TMBIM6: variants seen among roughly 807,000 people sequenced by gnomAD.
The protein encoded by TMBIM6 is transmembrane BAX inhibitor motif containing 6.
A neutral mutation model predicts 31.4 loss-of-function variants in TMBIM6; 13 were observed. That is an observed-to-expected ratio of 0.41 (90% CI 0.27 to 0.66). The LOEUF (loss-of-function observed/expected upper bound fraction) is 0.66, where lower values mean the gene tolerates loss of function less well. Among genes scored for constraint, TMBIM6 ranks in the 30% least tolerant of loss-of-function variants. TMBIM6 has a pLI of 0.28. For missense variants in TMBIM6, 275 were observed against 289.5 expected (o/e 0.95, Z 0.36); for synonymous variants, 85 against 101.7 (o/e 0.84, Z 0.99).
Position 49,763,245 on chromosome 12 carries a change from A to C in TMBIM6, c.*349A>C. On this transcript the variant is annotated 3_prime_UTR_variant, in exon 10 of 10. Coordinates refer to ENST00000267115, the MANE Select transcript of TMBIM6 (RefSeq NM_003217.3). The stretch of plus-strand genomic sequence containing the variant: ...CCACCAGGCTTCATTCACCCAGTGG[A>C]CCTGAACTGTTTGGTAGAGCCACCC... 4.6e-6 allele frequency: 1 copy of C among 219,762 alleles called. No individual in the cohort carries two copies. Among genetic ancestry groups the C allele is most frequent in the Non-Finnish European group, 9.3e-6 (1 of 107,836 alleles). The allele number at this position is 219,762 out of a possible 1,614,324, so 13.6% of individuals were successfully genotyped here.
chr12:49,756,403 G>C (rs892842498), intron 4 of TMBIM6, among the ~76,000 whole-genome samples: 2 of 149,786 alleles, frequency 1.3e-5, no homozygotes, highest in African/African-American at 2.5e-5. Context: ...CAAAGTGTTA[G>C]GATGACAGGC....
At chr12:49,749,695 A>C (rs1001319229) in intron 1 of TMBIM6, 1 of 152,192 alleles carries the variant, frequency 6.6e-6, no homozygotes, top group Non-Finnish European at 1.5e-5. Flanking sequence ...CGGCCTCCCA[A>C]AGTACTGGGA....
At position 49,752,668 on chromosome 12, in the gene TMBIM6, G is replaced by A. The variant is rs543379394; in HGVS notation, c.56+119G>A. The A allele has an allele frequency of 3.9e-5, 34 of 871,924 alleles. No homozygotes were observed. In the South Asian group the frequency reaches 4.7e-4, roughly 12 times the overall value. The allele number at this position is 871,924 out of a possible 1,614,324, so 54.0% of individuals were successfully genotyped here. A position where few individuals can be genotyped will look rare whatever the true frequency, so the allele number is the denominator to read the frequency against. On this transcript the variant is annotated intron_variant, in intron 2 of 9. Coordinates refer to ENST00000267115, the MANE Select transcript of TMBIM6 (RefSeq NM_003217.3). Reference sequence around the variant, plus strand: ...AACAAATTAACTTGGCCAGAATCCAGAGGACCTGATGAAAATGTCCAAATT... The same window carrying A: ...AACAAATTAACTTGGCCAGAATCCAAAGGACCTGATGAAAATGTCCAAATT...
In TMBIM6 at chr12:49,759,281, A is replaced by C. The variant is rs1481182617; in HGVS notation, c.574A>C (p.Ile192Leu). The C allele has an allele frequency of 1.2e-6, 2 of 1,614,116 alleles. No homozygotes were observed. Among genetic ancestry groups the C allele is most frequent in the South Asian group, 2.2e-5 (2 of 91,082 alleles). Reference sequence around the variant, plus strand: ...CTTCGTCCTTTTTGATACTCAACTCATTATTGAAAAGGCCGAACATGGAGA... The same window carrying C: ...CTTCGTCCTTTTTGATACTCAACTCCTTATTGAAAAGGCCGAACATGGAGA... The part of the protein sequence containing the change: ...CGFVLFDTQL[I>L]IEKAEHGDQD... Residue 192 changes from isoleucine to leucine, a missense_variant, in exon 8 of 10, where the codon ATT becomes CTT. Transcript: ENST00000267115.
rs551038917 is a variant in TMBIM6 at position 49,744,190 on chromosome 12, T to C, written c.-31+2579T>C. 2.1e-4 allele frequency among the ~76,000 whole-genome samples: 32 copies of C among 152,342 alleles called. 1 individual carries two copies. In the South Asian group the frequency reaches 3.7e-3, roughly 18 times the overall value. ...ATATATAAAAGCACCTTAAAAGTTA[T>C]AAATTTTATATAAATATAGTCAGGA... On this transcript the variant is annotated intron_variant, in intron 1 of 9. Transcript: ENST00000267115.
At chr12:49,760,612 C>G (rs1325996850) in intron 8 of TMBIM6, among the ~76,000 whole-genome samples, 1 of 145,414 alleles carries the variant, frequency 6.9e-6, no homozygotes, top group African/African-American at 2.5e-5. Context: ...TCTCAGCTCA[C>G]TGCAACCTCC....
chr12:49,753,455 G>C (rs1945533546), intron 3 of TMBIM6, among the ~76,000 whole-genome samples: 1 of 152,184 alleles, frequency 6.6e-6, no homozygotes, highest in South Asian at 2.1e-4. Flanking sequence ...GGAGAGGCAG[G>C]ATTGAGATCT....
intron 7 of TMBIM6, 106 bp from the exon 8 acceptor site, chr12:49,759,115 T>A (rs115658432): frequency 1.0e-6 from 1 of 956,066 alleles, no homozygotes; most frequent in African/African-American, 1.6e-5. Flanking sequence ...GTTCATAGGG[T>A]TCACATTTGA....
At chr12:49,741,988 T>C in intron 1 of TMBIM6, 2 of 1,211,154 alleles carry the variant, frequency 1.7e-6, no homozygotes, top group Non-Finnish European at 2.3e-6. Flanking sequence ...CTTCGATCGT[T>C]CGAATTCAGA....
chr12:49,752,179 C>T (rs1267338389), intron 1 of TMBIM6, among the ~76,000 whole-genome samples: 1 of 152,088 alleles, frequency 6.6e-6, no homozygotes, highest in East Asian at 1.9e-4. Context: ...AACTTACTGC[C>T]TTTTAAAGTG....
intron 1 of TMBIM6, among the ~76,000 whole-genome samples, chr12:49,751,363 A>T (rs1286838848): frequency 6.6e-6 from 1 of 152,162 alleles, no homozygotes; most frequent in Non-Finnish European, 1.5e-5. Flanking sequence ...TAGGGAAAAA[A>T]TATTTTTACA....
intron 1 of TMBIM6, among the ~76,000 whole-genome samples, chr12:49,747,385 T>C (rs1945415252): frequency 1.3e-5 from 2 of 152,192 alleles, no homozygotes; most frequent in Admixed American, 1.3e-4. Flanking sequence ...GATGGCTCAC[T>C]GCAGCCTGAA....
In TMBIM6 at chr12:49,762,943, C is replaced by A; in HGVS notation, c.*47C>A. On this transcript the variant is annotated 3_prime_UTR_variant, in exon 10 of 10. Coordinates refer to ENST00000267115, the MANE Select transcript of TMBIM6 (RefSeq NM_003217.3). ...AATTAGACTTCCTCTCCTTCCACCCCTCATTTCCTTTTTGCACACATTACA... is the reference window on the plus strand; with the variant it reads ...AATTAGACTTCCTCTCCTTCCACCCATCATTTCCTTTTTGCACACATTACA... 6.3e-7 allele frequency: 1 copy of A among 1,598,748 alleles called. No individual in the cohort carries two copies. Among genetic ancestry groups the A allele is most frequent in the Non-Finnish European group, 8.6e-7 (1 of 1,166,922 alleles).
At chr12:49,742,353 G>T in intron 1 of TMBIM6, 1 of 1,500,134 alleles carries the variant, frequency 6.7e-7, no homozygotes, top group Non-Finnish European at 8.9e-7. Context: ...CAAGGGCGTC[G>T]TTGGGCAGTT....
intron 9 of TMBIM6, among the ~76,000 whole-genome samples, chr12:49,762,615 A>G (rs1945740859): frequency 1.3e-5 from 2 of 152,096 alleles, no homozygotes; most frequent in African/African-American, 4.8e-5. Context: ...TAGAGTGGTC[A>G]GGCAGCCCAC....
chr12:49,752,038 A>G (rs1945503588), intron 1 of TMBIM6, among the ~76,000 whole-genome samples: 1 of 152,184 alleles, frequency 6.6e-6, no homozygotes, highest in Non-Finnish European at 1.5e-5. Context: ...TGCTGGGATT[A>G]TAGGCCTCAG....
chr12:49,763,048 CAAA>C lies in TMBIM6; in HGVS notation c.*156_*158del. 1.2e-6 allele frequency: 1 copy of C among 835,926 alleles called. No individual in the cohort carries two copies. The highest frequency in any genetic ancestry group is 2.2e-5 in the South Asian group (1 of 45,770). 51.8% of individuals were successfully genotyped at this position (835,926 alleles called of 1,614,324 possible). ...TTTCCTCTATTTTGAATTTTTTGAT[CAAA>C]AAACTGATTAGCAGAATATAGTTTG... On this transcript the variant is annotated 3_prime_UTR_variant, in exon 10 of 10. Transcript: ENST00000267115.
chr12:49,762,576 G>A (rs1003844273), intron 9 of TMBIM6, among the ~76,000 whole-genome samples: 2 of 152,158 alleles, frequency 1.3e-5, no homozygotes, highest in African/African-American at 4.8e-5. Flanking sequence ...TCACTGTTGG[G>A]ATCTGAGCTG....
At position 49,764,720 on chromosome 12, in the gene TMBIM6, A is replaced by G. The variant is rs534839621; in HGVS notation, c.*1824A>G. ...AGAATGACAAGATATTAAAAAAAAA[A>G]AAGAAAGAAAAAAAAAAAAACACCT... On this transcript the variant is annotated 3_prime_UTR_variant, in exon 10 of 10. Transcript: ENST00000267115. The G allele has an allele frequency of 2.1e-5, 3 of 141,534 alleles. No individual in the cohort carries two copies. Among genetic ancestry groups the G allele is most frequent in the Non-Finnish European group, 4.5e-5 (3 of 67,118 alleles). 8.8% of individuals were successfully genotyped at this position (141,534 alleles called of 1,614,324 possible).
Sources: gnomAD v4.1 joint callset for allele counts (sites outside exome capture counted in the v4.1 genomes callset) on GRCh38, gnomAD v4.1.1 for gene constraint, MANE v1.5 for transcripts, NCBI Gene and HGNC (gene_info 2026-07-23, HGNC 2026-07-21) for gene names.